Variants in NEDD4 observed in about 807,000 individuals in gnomAD.
The protein encoded by NEDD4 is NEDD4 E3 ubiquitin protein ligase.
A neutral mutation model predicts 144.9 loss-of-function variants in NEDD4; 99 were observed. The observed-to-expected ratio is 0.68, with a 90% CI of 0.58 to 0.81. The LOEUF is 0.81. Among genes scored for constraint, NEDD4 ranks in the 30% least tolerant of loss-of-function variants. The probability of loss-of-function intolerance (pLI) is 0.00; values close to 1 mark genes in which losing one functional copy is unlikely to be tolerated. For missense variants in NEDD4, 985 were observed against 1,065.9 expected, an observed-to-expected ratio of 0.92 and a Z score of 1.06; for synonymous variants, 318 against 350.6, an observed-to-expected ratio of 0.91 and a Z score of 1.04.
At chr15:55,841,770 A>G (rs1468890960) in intron 19 of NEDD4, among the ~76,000 whole-genome samples, 164 bp downstream of exon 19, 1 of 152,076 alleles carries the variant, frequency 6.6e-6, no homozygotes, top group African/African-American at 2.4e-5. Context: ...ACGGGGTTTC[A>G]CCGTGTTAGC....
intron 8 of NEDD4, among the ~76,000 whole-genome samples, chr15:55,865,101 G>GCC (rs2034540588): frequency 4.6e-5 from 7 of 151,624 alleles, no homozygotes; most frequent in African/African-American, 1.7e-4. Context: ...GAGAGGCTGG[G>GCC]GCAGGAGAAT....
At chr15:55,874,968 C>T (rs1272456529) in intron 5 of NEDD4, among the ~76,000 whole-genome samples, 3 of 136,976 alleles carry the variant, frequency 2.2e-5, no homozygotes, top group Non-Finnish European at 4.9e-5. Context: ...AGTAAGACTC[C>T]GCTCAAAAAG....
intron 4 of NEDD4, among the ~76,000 whole-genome samples, chr15:55,941,494 G>A (rs1300164579): frequency 4.6e-5 from 7 of 151,548 alleles, no homozygotes; most frequent in African/African-American, 1.2e-4. Flanking sequence ...CTAAACATTT[G>A]TGATATACAT....
At chr15:55,909,865 T>C (rs1347613875) in intron 5 of NEDD4, among the ~76,000 whole-genome samples, 5 of 152,192 alleles carry the variant, frequency 3.3e-5, no homozygotes, top group African/African-American at 1.2e-4. Context: ...GGAAGCTCTA[T>C]TTTGTCTCGT....
intron 5 of NEDD4, among the ~76,000 whole-genome samples, chr15:55,904,056 G>A (rs1235649564): frequency 5.3e-5 from 8 of 151,842 alleles, no homozygotes; most frequent in African/African-American, 1.7e-4. Flanking sequence ...CAGCTACTTC[G>A]GAGGCTGGGG....
chr15:55,905,022 G>T (rs180765853), intron 5 of NEDD4, among the ~76,000 whole-genome samples: 2 of 151,288 alleles, frequency 1.3e-5, no homozygotes, highest in African/African-American at 4.9e-5. Flanking sequence ...AACCCAGGAG[G>T]CAGAGGCTGC....
At chr15:55,850,130 G>A (rs2033924286) in intron 14 of NEDD4, among the ~76,000 whole-genome samples, 1 of 152,084 alleles carries the variant, frequency 6.6e-6, no homozygotes, top group Non-Finnish European at 1.5e-5. Flanking sequence ...AGTAAGCCAA[G>A]CACTAAACAA....
intron 4 of NEDD4, among the ~76,000 whole-genome samples, chr15:55,933,420 A>G (rs991197302): frequency 1.3e-5 from 2 of 151,716 alleles, no homozygotes; most frequent in East Asian, 1.9e-4. Context: ...TGAGCAAACT[A>G]TCACAGGGAC....
intron 1 of NEDD4, among the ~76,000 whole-genome samples, chr15:55,985,978 T>C (rs1277294734): frequency 2.0e-5 from 3 of 152,138 alleles, no homozygotes; most frequent in Non-Finnish European, 2.9e-5. Flanking sequence ...CCAGAAAGTG[T>C]TCAAAGAATG....
chr15:55,981,041 C>CTTT (rs752631416), intron 1 of NEDD4, among the ~76,000 whole-genome samples: 1 of 142,016 alleles, frequency 7.0e-6, no homozygotes, highest in Non-Finnish European at 1.5e-5. Flanking sequence ...ATATTTTTTC[C>CTTT]TTTTTTTTTT....
chr15:55,942,182 C>T (rs1431447996), intron 4 of NEDD4, among the ~76,000 whole-genome samples: 2 of 151,948 alleles, frequency 1.3e-5, no homozygotes, highest in African/African-American at 4.8e-5. Context: ...ATTACTAGGT[C>T]CATACACATT....
At chr15:55,834,408 C>T (rs190712985) in intron 24 of NEDD4, 122 bp from the exon 25 acceptor site, 17 of 636,824 alleles carry the variant, frequency 2.7e-5, no homozygotes, top group African/African-American at 7.3e-5. Flanking sequence ...TACACAATCA[C>T]GGGCTCTTCA....
intron 5 of NEDD4, chr15:55,916,116 T>C: frequency 6.2e-7 from 1 of 1,613,960 alleles, no homozygotes; most frequent in African/African-American, 1.3e-5. Flanking sequence ...TTCCAAGTCA[T>C]CCTGGACAAA....
intron 5 of NEDD4, among the ~76,000 whole-genome samples, chr15:55,913,401 A>C (rs2036336407): frequency 6.6e-6 from 1 of 152,120 alleles, no homozygotes; most frequent in Non-Finnish European, 1.5e-5. Flanking sequence ...AGAAAAAACA[A>C]CACTAGAATC....
chr15:55,863,156 A>T (rs1231050631), intron 8 of NEDD4, 77 bp from the exon 9 acceptor site: 10 of 1,264,386 alleles, frequency 7.9e-6, no homozygotes, highest in Non-Finnish European at 1.1e-5. Context: ...AAGGAAATTT[A>T]AAAAGAGATT....
At chr15:55,943,317 G>T (rs2037042842) in intron 4 of NEDD4, among the ~76,000 whole-genome samples, 1 of 152,200 alleles carries the variant, frequency 6.6e-6, no homozygotes, top group Non-Finnish European at 1.5e-5. Context: ...TGGGGAAGAT[G>T]CCTTGAATGC....
intron 24 of NEDD4, among the ~76,000 whole-genome samples, chr15:55,834,739 C>T (rs1303666801): frequency 6.6e-6 from 1 of 152,194 alleles, no homozygotes; most frequent in African/African-American, 2.4e-5. Context: ...CTCAAAACAA[C>T]AAGAACAACA....
At position 55,966,496 on chromosome 15, in the gene NEDD4, G is replaced by C. The variant is rs76009244; in HGVS notation, c.96C>G (p.Ala32=). 3.2e-3 allele frequency: 4,977 copies of C among 1,533,420 alleles called. 168 individuals are homozygous for C. The African/African-American group carries it at 0.062, about 19-fold the overall frequency. 95.0% of individuals were successfully genotyped at this position (1,533,420 alleles called of 1,614,324 possible). The change falls in exon 2 of 29, where the codon GCC becomes GCG. Residue 32 remains alanine, a synonymous_variant. Transcript: ENST00000435532. The part of the protein sequence containing the change: ...RVRVIAGIGL[A]KKDILGASDP... ...ACCTAGCTCCCAATATATCCTTCTT[G>C]GCAAGGCCTATTCCGGCTATAACTC...
chr15:55,921,426 G>A (rs1348407158), intron 5 of NEDD4, among the ~76,000 whole-genome samples: 1 of 151,896 alleles, frequency 6.6e-6, no homozygotes, highest in Non-Finnish European at 1.5e-5. Context: ...CTGGGCTCAA[G>A]CAATTCTCAT....
Sources: allele counts gnomAD v4.1 joint callset (sites outside exome capture counted in the v4.1 genomes callset), GRCh38; gene constraint gnomAD v4.1.1; transcripts MANE v1.5; gene names NCBI Gene and HGNC (gene_info 2026-07-23, HGNC 2026-07-21).